CDH12: variants seen among roughly 807,000 people sequenced by gnomAD.
CDH12 encodes the protein cadherin 12.
In CDH12, 41 loss-of-function variants were observed where a neutral mutation model predicts 74.1. The ratio of observed to expected loss-of-function variants is 0.55; its 90% CI spans 0.43 to 0.72. The LOEUF (loss-of-function observed/expected upper bound fraction) is 0.72, where lower values mean the gene tolerates loss of function less well. Ranked by LOEUF, CDH12 falls within the 30% of genes least tolerant of loss-of-function variation. The probability of loss-of-function intolerance (pLI) is 0.00; values close to 1 mark genes in which losing one functional copy is unlikely to be tolerated. For synonymous variants in CDH12, 399 were observed against 355.0 expected (o/e 1.12, Z -1.39); for missense variants, 945 against 977.2 (o/e 0.97, Z 0.44).
At chr5:22,244,125 A>G (rs1752836630) in intron 3 of CDH12, among the ~76,000 whole-genome samples, 1 of 152,074 alleles carries the variant, frequency 6.6e-6, no homozygotes, top group African/African-American at 2.4e-5. Context: ...CTCATGAAAC[A>G]TATACTTTAG....
At chr5:22,479,214 A>G (rs751454394) in intron 2 of CDH12, among the ~76,000 whole-genome samples, 4 of 152,254 alleles carry the variant, frequency 2.6e-5, no homozygotes, top group Non-Finnish European at 4.4e-5. Context: ...CATAATCTTC[A>G]CAATATGCCT....
At chr5:22,706,344 T>C (rs1346095189) in intron 1 of CDH12, among the ~76,000 whole-genome samples, 3 of 152,080 alleles carry the variant, frequency 2.0e-5, no homozygotes, top group Non-Finnish European at 4.4e-5. Flanking sequence ...TTAGTATTTA[T>C]AAACATATCT....
At chr5:22,589,527 C>T (rs537130991) in intron 1 of CDH12, among the ~76,000 whole-genome samples, 41 of 152,238 alleles carry the variant, frequency 2.7e-4, no homozygotes, top group African/African-American at 9.1e-4. Context: ...AAACTTGTTA[C>T]GTTGAGGTAA....
At chr5:22,653,640 A>G (rs1739857778) in intron 1 of CDH12, among the ~76,000 whole-genome samples, 1 of 152,148 alleles carries the variant, frequency 6.6e-6, no homozygotes, top group Non-Finnish European at 1.5e-5. Flanking sequence ...GTCTCCTAAC[A>G]TAGCGGCCCA....
rs1279913932 is a variant in CDH12 at position 21,752,092 on chromosome 5, G to T, written c.2030C>A (p.Ala677Asp). The T allele has an allele frequency of 1.9e-6, 3 of 1,614,046 alleles. No homozygotes were observed. The highest frequency in any genetic ancestry group is 2.5e-6 in the Non-Finnish European group (3 of 1,180,006). The change falls in exon 15 of 15, where the codon GCT (alanine) becomes GAT (aspartate). Residue 677 changes from alanine to aspartate, a missense_variant. This residue lies in a region of CDH12 where 791 missense variants were observed against 792.8 expected (regional missense o/e 1.00). Transcript: ENST00000382254. ...CTCAATCACTTTTGGGTTTCTCAGA[G>T]CCCCGATGTCGAAAGCCTGGGTATC... ...EEDTQAFDIG[A>D]LRNPKVIEEN...
At position 21,972,479 on chromosome 5, in the gene CDH12, A is replaced by G. The variant is rs530086690; in HGVS notation, c.526+2612T>C. Among the ~76,000 whole-genome samples, 12 of 152,302 alleles carry G rather than the reference A, an allele frequency of 7.9e-5. No individual in the cohort carries two copies. The South Asian group carries it at 2.5e-3, about 32-fold the overall frequency. ...GGGAGAATTGCCTCGATTATATGAG[A>G]GAAAAAAAAGTATAGAAAAACATAA... On this transcript the variant is annotated intron_variant, in intron 6 of 14. Transcript: ENST00000382254.
chr5:22,138,862 A>ATATATATATATATAT (rs1746620507), intron 4 of CDH12, among the ~76,000 whole-genome samples: 1 of 134,874 alleles, frequency 7.4e-6, no homozygotes, highest in Non-Finnish European at 1.6e-5. Context: ...ATATATATAT[A>ATATATATATATATAT]TATATATATA....
intron 1 of CDH12, among the ~76,000 whole-genome samples, chr5:22,775,041 A>C (rs1269354325): frequency 6.6e-6 from 1 of 151,132 alleles, no homozygotes; most frequent in South Asian, 2.1e-4. Context: ...ATCTATATAT[A>C]TGTGAAATAC....
chr5:22,537,884 A>G (rs1261915110), intron 1 of CDH12, among the ~76,000 whole-genome samples: 1 of 152,200 alleles, frequency 6.6e-6, no homozygotes, highest in East Asian at 1.9e-4. Flanking sequence ...AAGGCTGTGA[A>G]TGATTGCTGT....
chr5:22,500,082 G>A (rs528766647), intron 2 of CDH12, among the ~76,000 whole-genome samples: 32 of 152,116 alleles, frequency 2.1e-4, no homozygotes, highest in African/African-American at 7.0e-4. Flanking sequence ...AAATTTAGTT[G>A]TATCATGAAC....
chr5:22,514,246 T>C (rs887701481), intron 1 of CDH12, among the ~76,000 whole-genome samples: 4 of 151,638 alleles, frequency 2.6e-5, no homozygotes, highest in African/African-American at 4.8e-5. Context: ...CCAGATAAAA[T>C]AGAAAATTAG....
At chr5:22,461,077 A>G (rs1580673024) in intron 2 of CDH12, among the ~76,000 whole-genome samples, 1 of 106,950 alleles carries the variant, frequency 9.4e-6, no homozygotes, top group African/African-American at 3.8e-5. Context: ...TGGGTCACCC[A>G]GGCTGGAGTG....
At chr5:22,584,081 AATTTATTTATTT>A (rs3047309) in intron 1 of CDH12, among the ~76,000 whole-genome samples, 3 of 147,418 alleles carry the variant, frequency 2.0e-5, no homozygotes, top group Non-Finnish European at 3.0e-5. Flanking sequence ...TTGTTTGCGG[AATTTATTTATTT>A]ATTTATTTAT....
chr5:22,370,593 A>G (rs1741242608), intron 3 of CDH12, among the ~76,000 whole-genome samples: 1 of 152,188 alleles, frequency 6.6e-6, no homozygotes, highest in African/African-American at 2.4e-5. Flanking sequence ...TTTTCCTAAC[A>G]GAAAAATACT....
At chr5:22,714,977 T>G (rs1314094546) in intron 1 of CDH12, among the ~76,000 whole-genome samples, 1 of 152,112 alleles carries the variant, frequency 6.6e-6, no homozygotes, top group East Asian at 1.9e-4. Context: ...GGTGCATCTC[T>G]CAGAACGTCT....
At chr5:22,187,448 C>T (rs1187232057) in intron 4 of CDH12, among the ~76,000 whole-genome samples, 1 of 151,836 alleles carries the variant, frequency 6.6e-6, no homozygotes, top group African/African-American at 2.4e-5. Context: ...TCTCATATTT[C>T]TTGGCATCAC....
intron 1 of CDH12, among the ~76,000 whole-genome samples, chr5:22,776,880 A>AAGATAAGTT (rs1167106019): frequency 6.6e-6 from 1 of 152,202 alleles, no homozygotes; most frequent in Admixed American, 6.6e-5. Flanking sequence ...ACCACCAATT[A>AAGATAAGTT]AGATAAGTTT....
intron 1 of CDH12, among the ~76,000 whole-genome samples, chr5:22,688,693 G>GA (rs1175033665): frequency 6.6e-6 from 1 of 152,030 alleles, no homozygotes; most frequent in Admixed American, 6.5e-5. Context: ...TGCACTGGAT[G>GA]AAAAAATGTG....
intron 3 of CDH12, among the ~76,000 whole-genome samples, chr5:22,399,813 C>A (rs926202294): frequency 2.6e-5 from 4 of 151,642 alleles, no homozygotes; most frequent in Admixed American, 2.6e-4. Context: ...GGATATATAA[C>A]TTGAATTTTA....
Sources: gnomAD v4.1 joint callset for allele counts (sites outside exome capture counted in the v4.1 genomes callset) on GRCh38, gnomAD v4.1.1 for gene constraint, gnomAD v4.1.1 regional missense constraint, MANE v1.5 for transcripts, NCBI Gene and HGNC (gene_info 2026-07-23, HGNC 2026-07-21) for gene names.